The following USP9Y variants were observed in gnomAD, a reference collection of about 807,000 sequenced individuals.
The protein encoded by USP9Y is ubiquitin carboxyl-terminal hydrolase 9Y.
In USP9Y, 41 loss-of-function variants were observed where a neutral mutation model predicts 53.1. That is an observed-to-expected ratio of 0.77 (90% confidence interval 0.60 to 1.00). The LOEUF (loss-of-function observed/expected upper bound fraction) is 1.00, where lower values mean the gene tolerates loss of function less well. USP9Y is among the 50% of genes least tolerant of loss of function. The pLI, the probability that USP9Y is intolerant of heterozygous loss-of-function variation, is 0.00. For missense variants in USP9Y, 567 were observed against 535.8 expected (o/e 1.06, Z -0.58); for synonymous variants, 220 against 173.7 (o/e 1.27, Z -2.09).
intron 22 of USP9Y, among the ~76,000 whole-genome samples, chrY:12,779,956 C>A: frequency 8.9e-5 from 3 of 33,818 alleles, no homozygotes; most frequent in African/African-American, 2.3e-4. Flanking sequence ...AGAAAACTCA[C>A]CCTCAAGGTT....
At chrY:12,837,232 T>C (rs984692620) in intron 34 of USP9Y, among the ~76,000 whole-genome samples, 3 of 32,699 alleles carry the variant, frequency 9.2e-5, no homozygotes, top group Non-Finnish European at 2.2e-4. Context: ...GGTGGGAGGA[T>C]CACCAAAGGC....
intron 30 of USP9Y, among the ~76,000 whole-genome samples, chrY:12,812,414 CTA>C (rs2053531862): frequency 3.0e-5 from 1 of 32,955 alleles, no homozygotes; most frequent in South Asian, 6.8e-4. Flanking sequence ...TTTTTCTTGA[CTA>C]GATTTCTAAA....
chrY:12,818,485 A>G lies in USP9Y; in HGVS notation c.4896A>G (p.Leu1632=). 4 of 397,455 alleles carry G rather than the reference A, an allele frequency of 1.0e-5. No homozygotes were observed. In the South Asian group the frequency reaches 1.2e-4, roughly 12 times the overall value. Residue 1632 remains leucine (L), a synonymous_variant, in exon 33 of 46, where the codon TTA becomes TTG. Transcript: ENST00000338981. ...ATCAATTTGAAGACAAGCCAGCATT[A>G]AGTAAGACAGAAGATAGGAAAGAGT... The part of the protein sequence containing the change: ...YPHQFEDKPA[L]SKTEDRKEYN...
At chrY:12,782,110 A>G (rs2053498830) in intron 22 of USP9Y, among the ~76,000 whole-genome samples, 3 of 32,226 alleles carry the variant, frequency 9.3e-5, no homozygotes, top group Non-Finnish European at 2.3e-4. Flanking sequence ...GCTTACTGCA[A>G]TCTCCGCCTT....
intron 27 of USP9Y, among the ~76,000 whole-genome samples, chrY:12,808,912 G>A (rs2053527208): frequency 3.0e-5 from 1 of 33,420 alleles, no homozygotes; most frequent in Admixed American, 2.7e-4. Context: ...AAAATACTTC[G>A]TTGCCAGGGT....
At chrY:12,712,068 A>C in intron 3 of USP9Y, among the ~76,000 whole-genome samples, 1 of 33,483 alleles carries the variant, frequency 3.0e-5, no homozygotes, top group Admixed American at 2.7e-4. Flanking sequence ...TTTTTATTTT[A>C]AATTTATTAA....
chrY:12,809,787 T>A, intron 27 of USP9Y, among the ~76,000 whole-genome samples: 2 of 32,916 alleles, frequency 6.1e-5, no homozygotes, highest in Non-Finnish European at 1.5e-4. Context: ...TTGTATAGTA[T>A]CTAGAGGGTG....
intron 27 of USP9Y, chrY:12,803,502 A>G: frequency 5.9e-5 from 2 of 34,032 alleles, no homozygotes; most frequent in Non-Finnish European, 1.5e-4. Context: ...GGCTGGCAGC[A>G]GACAACTGGC....
chrY:12,709,519 T>C lies in USP9Y; in HGVS notation c.72T>C (p.Ser24=). 1 of 396,246 alleles carries C rather than the reference T, an allele frequency of 2.5e-6. No homozygotes were observed. Among genetic ancestry groups the C allele is most frequent in the Non-Finnish European group, 3.5e-6 (1 of 282,477 alleles). Residue 24 remains serine (S), a synonymous_variant, in exon 3 of 46, where the codon TCT becomes TCC. Coordinates refer to ENST00000338981, the MANE Select transcript of USP9Y (RefSeq NM_004654.4). The part of the protein sequence containing the change: ...DSQGQVLDGQ[S]QHLFQQNQTS... ...AGGGCCAGGTTCTTGATGGCCAGTCTCAGCATCTCTTCCAACAGAACCAGG... is the reference window on the plus strand; with the variant it reads ...AGGGCCAGGTTCTTGATGGCCAGTCCCAGCATCTCTTCCAACAGAACCAGG...
chrY:12,825,059 T>C, intron 33 of USP9Y, among the ~76,000 whole-genome samples: 1 of 32,226 alleles, frequency 3.1e-5, no homozygotes, highest in East Asian at 8.0e-4. Context: ...CCCAAATAGC[T>C]GGGATCGCAG....
intron 42 of USP9Y, among the ~76,000 whole-genome samples, chrY:12,855,200 T>C: frequency 2.9e-5 from 1 of 34,056 alleles, no homozygotes; most frequent in Non-Finnish European, 7.3e-5. Flanking sequence ...TTCAAGTTAT[T>C]TTTCTGTGTA....
At chrY:12,814,551 A>G (rs867426001) in intron 31 of USP9Y, among the ~76,000 whole-genome samples, 95 of 29,697 alleles carry the variant, frequency 3.2e-3, no homozygotes, top group Admixed American at 6.9e-3. Flanking sequence ...AAAAAAAAAA[A>G]AAGAAACACT....
intron 44 of USP9Y, 93 bp downstream of exon 44, chrY:12,856,938 G>T: frequency 3.6e-5 from 8 of 222,795 alleles, no homozygotes; most frequent in South Asian, 1.3e-4. Flanking sequence ...TATTAATATT[G>T]TGCTTAAAAA....
intron 12 of USP9Y, among the ~76,000 whole-genome samples, chrY:12,751,245 C>T (rs2053464045): frequency 3.1e-5 from 1 of 32,409 alleles, no homozygotes; most frequent in African/African-American, 1.2e-4. Context: ...CTCCTGACCT[C>T]GTGATCCGCC....
At chrY:12,817,213 T>C (rs779208025) in intron 32 of USP9Y, among the ~76,000 whole-genome samples, 35 of 34,143 alleles carry the variant, frequency 1.0e-3, no homozygotes, top group African/African-American at 3.8e-3. Flanking sequence ...GAGCTGAGAT[T>C]GTGCCACTGT....
chrY:12,812,494 G>A, intron 30 of USP9Y, among the ~76,000 whole-genome samples: 1 of 33,312 alleles, frequency 3.0e-5, no homozygotes, highest in Non-Finnish European at 7.4e-5. Context: ...TTCTTTATAT[G>A]TCATGCAATT....
At chrY:12,756,394 G>C in intron 12 of USP9Y, among the ~76,000 whole-genome samples, 1 of 32,661 alleles carries the variant, frequency 3.1e-5, no homozygotes, top group Non-Finnish European at 7.5e-5. Context: ...GAGGGAGGGT[G>C]CTTTTCTTAT....
intron 7 of USP9Y, among the ~76,000 whole-genome samples, chrY:12,728,644 T>A (rs894716369): frequency 1.5e-4 from 5 of 33,185 alleles, no homozygotes; most frequent in Non-Finnish European, 3.0e-4. Flanking sequence ...TCCAGTTTTT[T>A]AGGATGCAGT....
chrY:12,768,711 A>G, intron 15 of USP9Y, among the ~76,000 whole-genome samples: 1 of 32,801 alleles, frequency 3.0e-5, no homozygotes, highest in Non-Finnish European at 7.4e-5. Context: ...ATTTATGTTA[A>G]AAGATCCATA....
Sources: allele counts gnomAD v4.1 joint callset (sites outside exome capture counted in the v4.1 genomes callset), GRCh38; gene constraint gnomAD v4.1.1; transcripts MANE v1.5; gene names NCBI Gene and HGNC (gene_info 2026-07-23, HGNC 2026-07-21).